Variants in C5orf52 observed in about 807,000 individuals in gnomAD.
C5orf52 encodes the protein uncharacterized protein C5orf52.
C5orf52 carries 15 observed loss-of-function variants against 16.8 expected under a neutral mutation model. The observed-to-expected ratio is 0.89, with a 90% CI of 0.60 to 1.38. The LOEUF is 1.38. Ranked by LOEUF, C5orf52 falls within the 40% of genes most tolerant of loss-of-function variation. The pLI, the probability that C5orf52 is intolerant of heterozygous loss-of-function variation, is 0.00. For synonymous variants in C5orf52, 83 were observed against 87.2 expected, an observed-to-expected ratio of 0.95 and a Z score of 0.27; for missense variants, 206 against 213.1, an observed-to-expected ratio of 0.97 and a Z score of 0.21.
intron 2 of C5orf52, among the ~76,000 whole-genome samples, chr5:157,676,871 C>CTT (rs35620575): frequency 0.12 from 11,886 of 96,820 alleles, 1,613 homozygotes; most frequent in African/African-American, 0.42. Context: ...CTTTTTTTTT[C>CTT]TTTTTTTTTT....
Position 157,680,099 on chromosome 5 carries a change from T to A in C5orf52, c.*100T>A, listed in dbSNP as rs1176619508. 2 of 1,043,182 alleles carry A rather than the reference T, an allele frequency of 1.9e-6. No homozygotes were observed. The highest frequency in any genetic ancestry group is 5.6e-5 in the Admixed American group (2 of 35,792). 64.6% of individuals were successfully genotyped at this position (1,043,182 alleles called of 1,614,324 possible). A position where few individuals can be genotyped will look rare whatever the true frequency, so the allele number is the denominator to read the frequency against. On this transcript the variant is annotated 3_prime_UTR_variant, in exon 3 of 3. Transcript: ENST00000409999. ...GTGTGACCCGAGGAGAACTAGTAAC[T>A]ACAACCTACACAACTGTAGAACAAT...
intron 1 of C5orf52, 89 bp downstream of exon 1, chr5:157,671,915 A>G (rs1759801321): frequency 2.2e-6 from 2 of 906,214 alleles, no homozygotes; most frequent in Non-Finnish European, 3.2e-6. Context: ...CCTTAGCCGG[A>G]CCCCGGCCCT....
intron 2 of C5orf52, among the ~76,000 whole-genome samples, chr5:157,675,507 A>C (rs964680370): frequency 6.6e-6 from 1 of 152,068 alleles, no homozygotes; most frequent in African/African-American, 2.4e-5. Flanking sequence ...CTCCCATACA[A>C]AGTCTTGGGT....
In C5orf52 at chr5:157,671,537, C is replaced by T. The variant is rs903219542; in HGVS notation, c.-78C>T. The T allele has an allele frequency of 2.0e-5, 25 of 1,266,288 alleles. No individual in the cohort carries two copies. Among genetic ancestry groups the T allele is most frequent in the South Asian group, 1.8e-4 (12 of 68,452 alleles). The allele number at this position is 1,266,288 out of a possible 1,614,324, so 78.4% of individuals were successfully genotyped here. A position where few individuals can be genotyped will look rare whatever the true frequency, so the allele number is the denominator to read the frequency against. On this transcript the variant is annotated 5_prime_UTR_variant, in exon 1 of 3. Coordinates refer to ENST00000409999, the MANE Select transcript of C5orf52 (RefSeq NM_001145132.2). ...CAGGGCTCCGCCCAGGGACTCACTC[C>T]GCGTCAGCGCGCGCCCACCTAGGTG...
intron 2 of C5orf52, among the ~76,000 whole-genome samples, chr5:157,677,508 G>T (rs1287590869): frequency 2.0e-5 from 3 of 151,952 alleles, no homozygotes. Context: ...TAGAAAACTA[G>T]CCAGGTGTGG....
chr5:157,674,484 C>T (rs1006676937), intron 1 of C5orf52, among the ~76,000 whole-genome samples: 4 of 152,040 alleles, frequency 2.6e-5, no homozygotes, highest in African/African-American at 9.7e-5. Flanking sequence ...CTGCTTTTGG[C>T]TGGGTGGGCG....
chr5:157,675,088 C>T lies in C5orf52; in HGVS notation c.213-4C>T, dbSNP rs1161456664. The T allele has an allele frequency of 6.5e-7, 1 of 1,544,144 alleles. No homozygotes were observed. Among genetic ancestry groups the T allele is most frequent in the Admixed American group, 2.0e-5 (1 of 50,992 alleles). On this transcript the variant is annotated splice_region_variant and splice_polypyrimidine_tract_variant and intron_variant, in intron 1 of 2. Coordinates refer to ENST00000409999, the MANE Select transcript of C5orf52 (RefSeq NM_001145132.2). ...CCTGTGCCACCTTTCCCTCCCTGCT[C>T]CAGCTTAATGAATTCCAGTGAAGCA...
At chr5:157,672,518 C>G (rs1467410237) in intron 1 of C5orf52, among the ~76,000 whole-genome samples, 1 of 151,978 alleles carries the variant, frequency 6.6e-6, no homozygotes, top group Non-Finnish European at 1.5e-5. Flanking sequence ...TTTTATGTGT[C>G]CTTAAATGTT....
At chr5:157,678,985 T>A (rs59340992) in intron 2 of C5orf52, among the ~76,000 whole-genome samples, 1 of 151,842 alleles carries the variant, frequency 6.6e-6, no homozygotes, top group East Asian at 2.0e-4. Flanking sequence ...ATACAAAAAA[T>A]TAGCCAGGTG....
intron 2 of C5orf52, among the ~76,000 whole-genome samples, chr5:157,679,596 C>G (rs370817732): frequency 5.6e-4 from 86 of 152,286 alleles, no homozygotes; most frequent in African/African-American, 2.0e-3. Flanking sequence ...CTTGGCCTCC[C>G]AGAGTGTTGG....
chr5:157,671,917 C>G (rs1056604252), intron 1 of C5orf52, 91 bp downstream of exon 1: 3 of 901,376 alleles, frequency 3.3e-6, no homozygotes, highest in African/African-American at 1.7e-5. Context: ...TTAGCCGGAC[C>G]CCGGCCCTTT....
In C5orf52 at chr5:157,671,544, G is replaced by C. The variant is rs1719784311; in HGVS notation, c.-71G>C. ...CCGCCCAGGGACTCACTCCGCGTCA[G>C]CGCGCGCCCACCTAGGTGGGCTGGC... On this transcript the variant is annotated 5_prime_UTR_variant, in exon 1 of 3. Transcript: ENST00000409999. 6 of 1,339,112 alleles carry C rather than the reference G, an allele frequency of 4.5e-6. No individual in the cohort carries two copies. The highest frequency in any genetic ancestry group is 6.1e-6 in the Non-Finnish European group (6 of 980,750). 83.0% of individuals were successfully genotyped at this position (1,339,112 alleles called of 1,614,324 possible).
At chr5:157,678,752 C>T (rs548491960) in intron 2 of C5orf52, among the ~76,000 whole-genome samples, 21 of 152,154 alleles carry the variant, frequency 1.4e-4, no homozygotes, top group Non-Finnish European at 2.6e-4. Flanking sequence ...TGAGCCACAG[C>T]GCCCAGCCAA....
intron 1 of C5orf52, among the ~76,000 whole-genome samples, chr5:157,672,814 C>A (rs1179379713): frequency 6.6e-6 from 1 of 152,108 alleles, no homozygotes; most frequent in Non-Finnish European, 1.5e-5. Flanking sequence ...CACCACCATG[C>A]TCGGCTAATT....
At position 157,675,124 on chromosome 5, in the gene C5orf52, A is replaced by C; in HGVS notation, c.245A>C (p.Lys82Thr). The change falls in exon 2 of 3, where the codon AAA (lysine) becomes ACA (threonine). Residue 82 changes from lysine to threonine, a missense_variant. Physicochemically the swap from Lys to Thr is moderately conservative, Grantham distance 78. Coordinates refer to ENST00000409999, the MANE Select transcript of C5orf52 (RefSeq NM_001145132.2). ...AATTCCAGTGAAGCAGCGATGAAAA[A>C]AACTTTACCCAAGAGCCATTTATCT... Reference protein sequence around the residue: ...LMNSSEAAMKKTLPKSHLSRV... With the variant: ...LMNSSEAAMKTTLPKSHLSRV... 1 of 1,551,612 alleles carries C rather than the reference A, an allele frequency of 6.4e-7. No individual in the cohort carries two copies. Among genetic ancestry groups the C allele is most frequent in the South Asian group, 1.2e-5 (1 of 84,046 alleles).
chr5:157,678,586 A>G (rs1242866407), intron 2 of C5orf52, among the ~76,000 whole-genome samples: 3 of 152,122 alleles, frequency 2.0e-5, no homozygotes, highest in African/African-American at 7.2e-5. Flanking sequence ...CCTCCTGAGT[A>G]GCTGGGATTA....
chr5:157,679,778 G>A, intron 2 of C5orf52, 63 bp from the exon 3 acceptor site: 11 of 1,469,824 alleles, frequency 7.5e-6, no homozygotes, highest in East Asian at 2.5e-5. Flanking sequence ...GCCCTGCTGC[G>A]AAGTAATCCT....
chr5:157,671,209 T>G, upstream of C5orf52: 1 of 187,190 alleles, frequency 5.3e-6, no homozygotes. Context: ...TGCTGGGTCT[T>G]CAGACCTCAG....
chr5:157,676,530 C>G (rs965500628), intron 2 of C5orf52, among the ~76,000 whole-genome samples: 2 of 152,136 alleles, frequency 1.3e-5, no homozygotes, highest in African/African-American at 4.8e-5. Context: ...AGTAGGGACC[C>G]GGGCATTTCT....
Sources: gnomAD v4.1 joint callset for allele counts (sites outside exome capture counted in the v4.1 genomes callset) on GRCh38, gnomAD v4.1.1 for gene constraint, MANE v1.5 for transcripts, NCBI Gene and HGNC (gene_info 2026-07-23, HGNC 2026-07-21) for gene names.